Variants in PDGFRB observed in about 807,000 individuals in gnomAD.
PDGFRB encodes the protein platelet-derived growth factor receptor beta.
PDGFRB carries 42 observed loss-of-function variants against 120.2 expected under a neutral mutation model. The observed-to-expected ratio is 0.35, with a 90% CI of 0.27 to 0.45. PDGFRB has a LOEUF of 0.45. Among genes scored for constraint, PDGFRB ranks in the 20% least tolerant of loss-of-function variants. The probability of loss-of-function intolerance (pLI) is 1.00; values close to 1 mark genes in which losing one functional copy is unlikely to be tolerated. For synonymous variants in PDGFRB, 586 were observed against 606.8 expected, an observed-to-expected ratio of 0.97 and a Z score of 0.50; for missense variants, 1,149 against 1,476.3, an observed-to-expected ratio of 0.78 and a Z score of 3.63.
At chr5:150,143,237 ACC>A (rs1233157117) in intron 1 of PDGFRB, among the ~76,000 whole-genome samples, 2 of 152,232 alleles carry the variant, frequency 1.3e-5, no homozygotes, top group Non-Finnish European at 2.9e-5. Flanking sequence ...ATGTTTTTGG[ACC>A]ACAGTTGATC....
At chr5:150,153,183 C>T (rs1025073397) in intron 1 of PDGFRB, among the ~76,000 whole-genome samples, 14 of 152,198 alleles carry the variant, frequency 9.2e-5, no homozygotes, top group African/African-American at 3.4e-4. Context: ...CTGCCTGCCC[C>T]ACATGTGTGG....
chr5:150,127,266 C>T (rs949233223), intron 10 of PDGFRB, among the ~76,000 whole-genome samples: 1 of 152,208 alleles, frequency 6.6e-6, no homozygotes, highest in African/African-American at 2.4e-5. Flanking sequence ...AAGGCCTCAG[C>T]CTCTTCGCTG....
intron 1 of PDGFRB, among the ~76,000 whole-genome samples, chr5:150,143,725 C>T (rs868647877): frequency 1.3e-5 from 2 of 152,068 alleles, no homozygotes; most frequent in East Asian, 1.9e-4. Flanking sequence ...AGAGCAGGAT[C>T]GGAGGGTGAG....
At chr5:150,144,130 AC>A (rs1760853797) in intron 1 of PDGFRB, among the ~76,000 whole-genome samples, 1 of 151,558 alleles carries the variant, frequency 6.6e-6, no homozygotes, top group African/African-American at 2.4e-5. Flanking sequence ...AGCCCCCTGC[AC>A]CCCCTCCTCC....
chr5:150,117,079 C>G (rs1561982565), intron 22 of PDGFRB, among the ~76,000 whole-genome samples: 1 of 152,214 alleles, frequency 6.6e-6, no homozygotes, highest in Non-Finnish European at 1.5e-5. Context: ...AAAGCCCCCT[C>G]TGGGCTGTAA....
intron 1 of PDGFRB, among the ~76,000 whole-genome samples, chr5:150,147,338 C>T (rs1760951566): frequency 6.6e-6 from 1 of 152,224 alleles, no homozygotes; most frequent in Non-Finnish European, 1.5e-5. Flanking sequence ...CAAAGGAGCC[C>T]CTGAGAGGGG....
At chr5:150,143,484 G>T (rs1283699757) in intron 1 of PDGFRB, among the ~76,000 whole-genome samples, 1 of 152,216 alleles carries the variant, frequency 6.6e-6, no homozygotes, top group Non-Finnish European at 1.5e-5. Context: ...CCCATGTCAT[G>T]ACTCAGCTCA....
rs576114295 is a variant in PDGFRB, at chr5:150,133,055, G to A, written c.935-113C>T. 164 of 732,412 alleles carry A rather than the reference G, an allele frequency of 2.2e-4. No individual in the cohort carries two copies. The East Asian group carries it at 4.3e-3, about 19-fold the overall frequency. 45.4% of individuals were successfully genotyped at this position (732,412 alleles called of 1,614,324 possible). On this transcript the variant is annotated intron_variant, in intron 6 of 22. Transcript: ENST00000261799. ...AGGCCTGGGGACCGTGCCAGCCATG[G>A]AGTTTCCGGAGCTGAGGTTGAAATT... is the stretch of plus-strand genomic sequence containing the variant.
chr5:150,127,833 T>TAAAAAAAAAAAA (rs56899708), intron 10 of PDGFRB, among the ~76,000 whole-genome samples: 31 of 62,428 alleles, frequency 5.0e-4, no homozygotes, highest in African/African-American at 2.1e-3. Context: ...GACTCCATCT[T>TAAAAAAAAAAAA]AAAAAAAAAA....
rs769297626 is a variant in PDGFRB at position 150,117,862 on chromosome 5, G to A, written c.2905-12C>T. 6.5e-7 allele frequency: 1 copy of A among 1,528,188 alleles called. No individual in the cohort carries two copies. The highest frequency in any genetic ancestry group is 9.0e-7 in the Non-Finnish European group (1 of 1,108,052). 94.7% of individuals were successfully genotyped at this position (1,528,188 alleles called of 1,614,324 possible). ...ACCTGCTGGTACTTCTGCTCCCGGG[G>A]CAGGGAGAACCAAAGAAACAGGGAT... On this transcript the variant is annotated splice_polypyrimidine_tract_variant and intron_variant, in intron 21 of 22. Transcript: ENST00000261799.
Position 150,118,875 on chromosome 5 carries a change from G to C in PDGFRB, c.2799-23C>G, listed in dbSNP as rs143187935. On this transcript the variant is annotated intron_variant, in intron 20 of 22. Coordinates refer to ENST00000261799, the MANE Select transcript of PDGFRB (RefSeq NM_002609.4). ...TAGCTGGGGATAGGGAGAAGGGTCA[G>C]GGCCTCTGGCCCAGGGTTCAGGGGA... 283 of 1,487,304 alleles carry C rather than the reference G, an allele frequency of 1.9e-4. 2 individuals are homozygous for C. The East Asian group carries it at 6.1e-3, about 32-fold the overall frequency. The allele number at this position is 1,487,304 out of a possible 1,614,324, so 92.1% of individuals were successfully genotyped here.
At chr5:150,147,879 T>G (rs1456403374) in intron 1 of PDGFRB, among the ~76,000 whole-genome samples, 1 of 152,186 alleles carries the variant, frequency 6.6e-6, no homozygotes, top group Non-Finnish European at 1.5e-5. Context: ...TCTGCAAAGT[T>G]GGTGGCCACA....
intron 21 of PDGFRB, 56 bp downstream of exon 21, chr5:150,118,691 G>A (rs1217094327): frequency 9.4e-7 from 1 of 1,059,534 alleles, no homozygotes; most frequent in Non-Finnish European, 1.5e-6. Context: ...TGTACTCGGT[G>A]TCTGACTTCT....
chr5:150,124,107 G>A lies in PDGFRB; in HGVS notation c.2023+143C>T, dbSNP rs2304061. ...CTAAACCCCACCGCCCTCTGGGACCGCGCAGTGAGGGCGCTGGAGCGGGTG... is the reference window on the plus strand; with the variant it reads ...CTAAACCCCACCGCCCTCTGGGACCACGCAGTGAGGGCGCTGGAGCGGGTG... On this transcript the variant is annotated intron_variant, in intron 14 of 22. Coordinates refer to ENST00000261799, the MANE Select transcript of PDGFRB (RefSeq NM_002609.4). 101,126 of 509,458 alleles carry A rather than the reference G, an allele frequency of 0.2. 11,140 individuals are homozygous for A. The highest frequency in any genetic ancestry group is 0.28 in the Middle Eastern group (822 of 2,894). The allele number at this position is 509,458 out of a possible 1,614,324, so 31.6% of individuals were successfully genotyped here.
intron 1 of PDGFRB, chr5:150,154,102 T>C (rs1456128557): frequency 6.6e-6 from 1 of 152,036 alleles, no homozygotes; most frequent in African/African-American, 2.4e-5. Flanking sequence ...CCAAGTAACA[T>C]GGCTTCAGCA....
At chr5:150,152,018 G>A (rs1231475018) in intron 1 of PDGFRB, among the ~76,000 whole-genome samples, 2 of 151,872 alleles carry the variant, frequency 1.3e-5, no homozygotes, top group Non-Finnish European at 2.9e-5. Flanking sequence ...AGCAATTCTA[G>A]TGCCTCAGCC....
rs1361327537 is a variant in PDGFRB, at chr5:150,134,949, C to A, written c.432G>T (p.Glu144Asp). 6.2e-7 allele frequency: 1 copy of A among 1,613,792 alleles called. No individual in the cohort carries two copies. Among genetic ancestry groups the A allele is most frequent in the East Asian group, 2.2e-5 (1 of 44,884 alleles). The change falls in exon 4 of 23, where the codon GAG becomes GAT. Residue 144 changes from glutamate to aspartate, a missense_variant. Physicochemically the swap from Glu to Asp is conservative, Grantham distance 45. This residue lies in a region of PDGFRB where 879 missense variants were observed against 1,108.6 expected (regional missense o/e 0.79). Coordinates refer to ENST00000261799, the MANE Select transcript of PDGFRB (RefSeq NM_002609.4). ...ELFIFLTEIT[E>D]ITIPCRVTDP... ...CTGTTACTCGGCATGGAATGGTGAT[C>A]TCAGTTATTTCCGTGAGAAAGATGA...
chr5:150,130,264 T>C (rs1227421866), intron 9 of PDGFRB, among the ~76,000 whole-genome samples: 1 of 152,172 alleles, frequency 6.6e-6, no homozygotes, highest in African/African-American at 2.4e-5. Flanking sequence ...AGAATCGACC[T>C]GGCCAGGAGT....
At chr5:150,119,334 G>A in intron 20 of PDGFRB, 133 bp downstream of exon 20, 1 of 692,564 alleles carries the variant, frequency 1.4e-6, no homozygotes, top group Non-Finnish European at 2.6e-6. Context: ...CCTTTGAATG[G>A]CTGGATCCAG....
Sources: allele counts gnomAD v4.1 joint callset (sites outside exome capture counted in the v4.1 genomes callset), GRCh38; gene constraint gnomAD v4.1.1; regional missense constraint gnomAD v4.1.1; transcripts MANE v1.5; gene names NCBI Gene and HGNC (gene_info 2026-07-23, HGNC 2026-07-21).